Variants in KANK1 observed in about 807,000 individuals in gnomAD.
The protein encoded by KANK1 is KN motif and ankyrin repeat domain-containing protein 1.
A neutral mutation model predicts 106.2 loss-of-function variants in KANK1; 109 were observed. That is an observed-to-expected ratio of 1.03 (90% CI 0.88 to 1.20). The LOEUF is 1.20. KANK1 is among the 50% of genes most tolerant of loss of function. The probability of loss-of-function intolerance (pLI) is 0.00; values close to 1 mark genes in which losing one functional copy is unlikely to be tolerated. For synonymous variants in KANK1, 873 were observed against 652.2 expected (o/e 1.34, Z -5.16); for missense variants, 2,399 against 1,710.7 (o/e 1.40, Z -7.10).
intron 2 of KANK1, among the ~76,000 whole-genome samples, chr9:677,925 A>G (rs946729200): frequency 4.6e-5 from 7 of 152,336 alleles, no homozygotes; most frequent in Non-Finnish European, 7.4e-5. Flanking sequence ...ATCGGTAAGT[A>G]TATCCACCTG....
chr9:644,473 C>A lies in KANK1; in HGVS notation c.-83-32417C>A, dbSNP rs370219395. Among the ~76,000 whole-genome samples the A allele has an allele frequency of 4.6e-5, 7 of 150,978 alleles. No homozygotes were observed. In the East Asian group the frequency reaches 1.2e-3, roughly 25 times the overall value. On this transcript the variant is annotated intron_variant, in intron 1 of 11. Transcript: ENST00000382297. The stretch of plus-strand genomic sequence containing the variant: ...GGAAGCATGGTGGCTTCTGGGGAGG[C>A]CTCAGGAAACTTAGAATCATGGCAG...
intron 1 of KANK1, among the ~76,000 whole-genome samples, chr9:637,260 T>C (rs1837366733): frequency 6.6e-6 from 1 of 152,208 alleles, no homozygotes; most frequent in Non-Finnish European, 1.5e-5. Context: ...ACAATAATGA[T>C]GTGAAAGCTT....
At chr9:502,631 T>C (rs770371637), upstream of KANK1, among the ~76,000 whole-genome samples, 3 of 151,818 alleles carry the variant, frequency 2.0e-5, no homozygotes, top group Non-Finnish European at 4.4e-5. Context: ...TCAAGGATTC[T>C]CCTGCCTCAG....
At chr9:630,038 A>G (rs1835287282) in intron 1 of KANK1, among the ~76,000 whole-genome samples, 1 of 150,660 alleles carries the variant, frequency 6.6e-6, no homozygotes, top group South Asian at 2.1e-4. Context: ...ACTTAAGGCC[A>G]GGAGTTCAAG....
chr9:494,369 T>A (rs994733273), intron 3 of KANK1, among the ~76,000 whole-genome samples: 10 of 152,210 alleles, frequency 6.6e-5, no homozygotes, highest in Non-Finnish European at 1.5e-4. Context: ...AATTATTTCA[T>A]GTATACCAAT....
chr9:475,820 G>C (rs948520491), intron 3 of KANK1, among the ~76,000 whole-genome samples: 7 of 152,042 alleles, frequency 4.6e-5, no homozygotes, highest in African/African-American at 7.2e-5. Context: ...CATCTGAAGA[G>C]ATTAAGAGTC....
intron 1 of KANK1, among the ~76,000 whole-genome samples, chr9:649,676 G>C (rs1840452744): frequency 6.6e-6 from 1 of 152,142 alleles, no homozygotes; most frequent in Admixed American, 6.5e-5. Flanking sequence ...GCTTGTTGGG[G>C]CTTGAAGACT....
At chr9:615,233 G>T (rs748026240) in intron 1 of KANK1, among the ~76,000 whole-genome samples, 8 of 152,132 alleles carry the variant, frequency 5.3e-5, no homozygotes, top group Non-Finnish European at 1.0e-4. Context: ...ACCGCGCCTG[G>T]CATAGTATCA....
At chr9:483,558 CTG>C (rs1433316154) in intron 3 of KANK1, among the ~76,000 whole-genome samples, 1 of 152,156 alleles carries the variant, frequency 6.6e-6, no homozygotes, top group African/African-American at 2.4e-5. Flanking sequence ...AACTACAGAA[CTG>C]TGTACTTTAT....
intron 1 of KANK1, among the ~76,000 whole-genome samples, chr9:650,618 T>C (rs536513802): frequency 2.0e-5 from 3 of 152,140 alleles, no homozygotes; most frequent in African/African-American, 4.8e-5. Flanking sequence ...TTGTGAAATA[T>C]GCAGATGAGA....
chr9:648,738 G>A (rs940654849), intron 1 of KANK1, among the ~76,000 whole-genome samples: 2 of 152,138 alleles, frequency 1.3e-5, no homozygotes, highest in Non-Finnish European at 2.9e-5. Flanking sequence ...AGTATCTCAT[G>A]AAGCTGTTTT....
At chr9:687,383 C>G (rs1207284993) in intron 2 of KANK1, among the ~76,000 whole-genome samples, 1 of 152,190 alleles carries the variant, frequency 6.6e-6, no homozygotes, top group Non-Finnish European at 1.5e-5. Context: ...AAACTTTAAT[C>G]TCTAACTATT....
At chr9:724,435 A>G (rs1045363804) in intron 3 of KANK1, among the ~76,000 whole-genome samples, 2 of 152,304 alleles carry the variant, frequency 1.3e-5, no homozygotes, top group East Asian at 1.9e-4. Context: ...ACTATCATGT[A>G]TTTGCATTTA....
chr9:645,523 A>C (rs1261866545), intron 1 of KANK1, among the ~76,000 whole-genome samples: 1 of 150,382 alleles, frequency 6.6e-6, no homozygotes, highest in African/African-American at 2.5e-5. Context: ...GAAATCCCTA[A>C]TGTTTAAAAA....
intron 1 of KANK1, among the ~76,000 whole-genome samples, chr9:577,612 C>A (rs1463779806): frequency 1.3e-5 from 2 of 152,172 alleles, no homozygotes; most frequent in Non-Finnish European, 2.9e-5. Context: ...CTTCAGACTT[C>A]TTTGTTTAAG....
In KANK1 at chr9:725,084, G is replaced by A. The variant is rs79790003; in HGVS notation, c.2699-4967G>A. ...AGGAAGTTGGAGTTGTAAAGGAATCGTCCAGGTAGCCCCCATGTCCCACAG... is the reference window on the plus strand; with the variant it reads ...AGGAAGTTGGAGTTGTAAAGGAATCATCCAGGTAGCCCCCATGTCCCACAG... On this transcript the variant is annotated intron_variant, in intron 3 of 11. Coordinates refer to ENST00000382297, the MANE Select transcript of KANK1 (RefSeq NM_015158.5). Among the ~76,000 whole-genome samples the A allele has an allele frequency of 2.4e-4, 37 of 152,240 alleles. No homozygotes were observed. In the East Asian group the frequency reaches 5.8e-3, roughly 24 times the overall value.
intron 1 of KANK1, among the ~76,000 whole-genome samples, chr9:555,109 A>G (rs1300467589): frequency 6.6e-6 from 1 of 152,236 alleles, no homozygotes; most frequent in Non-Finnish European, 1.5e-5. Flanking sequence ...CTTTGAGAAC[A>G]ACTAATAAGT....
chr9:572,295 A>G (rs1819405387), intron 1 of KANK1, among the ~76,000 whole-genome samples: 1 of 151,836 alleles, frequency 6.6e-6, no homozygotes, highest in East Asian at 1.9e-4. Context: ...AGCTAGGACT[A>G]CTTGCTTGTG....
At position 583,339 on chromosome 9, in the gene KANK1, T is replaced by C. The variant is rs1003184190; in HGVS notation, c.-84+78585T>C. ...AGGTTCATCATAAGGACTGAGAGGA[T>C]ACGGGACCTTATTAAGTCCTCAGTA... On this transcript the variant is annotated intron_variant, in intron 1 of 11. Coordinates refer to ENST00000382297, the MANE Select transcript of KANK1 (RefSeq NM_015158.5). Among the ~76,000 whole-genome samples, 3 of 152,214 alleles carry C rather than the reference T, an allele frequency of 2.0e-5. No individual in the cohort carries two copies. The East Asian group carries it at 5.8e-4, about 29-fold the overall frequency.
Sources: gnomAD v4.1 joint callset for allele counts (sites outside exome capture counted in the v4.1 genomes callset) on GRCh38, gnomAD v4.1.1 for gene constraint, MANE v1.5 for transcripts, NCBI Gene and HGNC (gene_info 2026-07-23, HGNC 2026-07-21) for gene names.